BNC2: variants seen among roughly 807,000 people sequenced by gnomAD.
BNC2 encodes zinc finger protein basonuclin-2.
In BNC2, 20 loss-of-function variants were observed where a neutral mutation model predicts 76.3. The ratio of observed to expected loss-of-function variants is 0.26; its 90% CI spans 0.18 to 0.38. The LOEUF (loss-of-function observed/expected upper bound fraction) is 0.38. Ranked by LOEUF, BNC2 falls within the 10% of genes least tolerant of loss-of-function variation. BNC2 has a pLI of 1.00. For missense variants in BNC2, 1,382 were observed against 1,399.8 expected (o/e 0.99, Z 0.20); for synonymous variants, 582 against 514.8 (o/e 1.13, Z -1.77).
chr9:16,841,073 T>C (rs1391214670), intron 1 of BNC2, among the ~76,000 whole-genome samples: 2 of 152,316 alleles, frequency 1.3e-5, no homozygotes, highest in East Asian at 1.9e-4. Context: ...AATGACCTCA[T>C]GGGCAATGTT....
intron 5 of BNC2, among the ~76,000 whole-genome samples, chr9:16,538,198 G>A (rs756999819): frequency 2.8e-4 from 42 of 152,058 alleles, no homozygotes; most frequent in Admixed American, 6.6e-5. Flanking sequence ...CCTACCAATT[G>A]GACACTGCTT....
intron 4 of BNC2, among the ~76,000 whole-genome samples, chr9:16,569,326 G>T (rs1819253758): frequency 6.6e-6 from 1 of 151,878 alleles, no homozygotes; most frequent in East Asian, 1.9e-4. Context: ...AGGGAAGAGG[G>T]ACAAAAGTAG....
chr9:16,764,882 TGA>T (rs1334762698), intron 1 of BNC2, among the ~76,000 whole-genome samples: 1 of 145,588 alleles, frequency 6.9e-6, no homozygotes, highest in Non-Finnish European at 1.5e-5. Flanking sequence ...CAAAAATAAA[TGA>T]GAGGGAGGGA....
chr9:16,685,696 G>C, intron 3 of BNC2: 1 of 1,095,424 alleles, frequency 9.1e-7, no homozygotes, highest in Non-Finnish European at 1.2e-6. Flanking sequence ...AGTCACACTT[G>C]ACCCAGGCAG....
intron 5 of BNC2, among the ~76,000 whole-genome samples, chr9:16,521,647 A>G (rs933146157): frequency 5.3e-5 from 8 of 152,152 alleles, no homozygotes; most frequent in Admixed American, 3.9e-4. Context: ...GTTTTTTGAC[A>G]TGTATTTTAC....
At chr9:16,803,799 G>A (rs1817839683) in intron 1 of BNC2, among the ~76,000 whole-genome samples, 1 of 152,138 alleles carries the variant, frequency 6.6e-6, no homozygotes, top group African/African-American at 2.4e-5. Flanking sequence ...CACTCGAGTG[G>A]GCAAACTGCT....
chr9:16,661,896 C>T (rs1411580330), intron 3 of BNC2, among the ~76,000 whole-genome samples: 1 of 152,132 alleles, frequency 6.6e-6, no homozygotes, highest in African/African-American at 2.4e-5. Context: ...AATTATTTAA[C>T]TCAACTACTT....
At chr9:16,478,473 G>A (rs1821974737) in intron 5 of BNC2, among the ~76,000 whole-genome samples, 2 of 152,180 alleles carry the variant, frequency 1.3e-5, no homozygotes, top group Admixed American at 6.5e-5. Context: ...AAAGGCATAT[G>A]ACATAAATGA....
chr9:16,561,906 A>G (rs1819028121), intron 4 of BNC2, among the ~76,000 whole-genome samples: 1 of 152,110 alleles, frequency 6.6e-6, no homozygotes, highest in South Asian at 2.1e-4. Flanking sequence ...CGGGAGGCTG[A>G]GGTGGGAGGA....
chr9:16,805,114 C>G (rs1392945788), intron 1 of BNC2, among the ~76,000 whole-genome samples: 5 of 152,042 alleles, frequency 3.3e-5, no homozygotes, highest in Admixed American at 3.3e-4. Flanking sequence ...ACCACTGGAT[C>G]AATATAAAAC....
At chr9:16,536,266 T>C (rs1339765160) in intron 5 of BNC2, among the ~76,000 whole-genome samples, 1 of 152,208 alleles carries the variant, frequency 6.6e-6, no homozygotes, top group Non-Finnish European at 1.5e-5. Flanking sequence ...TAGACAATTC[T>C]ATATTTCAGA....
chr9:16,494,558 T>C (rs1430830575), intron 5 of BNC2, among the ~76,000 whole-genome samples: 1 of 152,036 alleles, frequency 6.6e-6, no homozygotes, highest in East Asian at 1.9e-4. Flanking sequence ...GCAAGAGTCA[T>C]TGAGATGAGT....
chr9:16,447,855 C>T (rs1025651453), intron 5 of BNC2, among the ~76,000 whole-genome samples: 1 of 152,104 alleles, frequency 6.6e-6, no homozygotes, highest in African/African-American at 2.4e-5. Context: ...GAAATCTTTG[C>T]AGCTCCAAAA....
chr9:16,429,703 G>A (rs1820868621), intron 6 of BNC2: 1 of 306,036 alleles, frequency 3.3e-6, no homozygotes. Flanking sequence ...GAGACTTAAT[G>A]TTAACTCTCA....
chr9:16,431,801 A>C (rs1264849570), intron 6 of BNC2, among the ~76,000 whole-genome samples: 6 of 152,200 alleles, frequency 3.9e-5, no homozygotes, highest in Non-Finnish European at 1.5e-5. Flanking sequence ...ATTTATCATT[A>C]GATTCTCATA....
intron 6 of BNC2, among the ~76,000 whole-genome samples, chr9:16,427,903 G>A (rs866172837): frequency 6.6e-5 from 10 of 152,138 alleles, no homozygotes; most frequent in Admixed American, 2.6e-4. Context: ...GTGAACACCC[G>A]TCATGAGAAT....
chr9:16,595,336 C>A (rs1254425690), intron 3 of BNC2, among the ~76,000 whole-genome samples: 2 of 152,092 alleles, frequency 1.3e-5, no homozygotes, highest in Admixed American at 6.6e-5. Context: ...AGGAATCATA[C>A]CTGTTACAAA....
chr9:16,605,784 C>CTTTTT (rs34431220), intron 3 of BNC2, among the ~76,000 whole-genome samples: 14 of 110,760 alleles, frequency 1.3e-4, no homozygotes, highest in Non-Finnish European at 2.0e-4. Context: ...TTCAAGAATT[C>CTTTTT]TTTTTTTTTT....
chr9:16,659,154 G>T (rs1003249714), intron 3 of BNC2, among the ~76,000 whole-genome samples: 1 of 152,090 alleles, frequency 6.6e-6, no homozygotes, highest in Non-Finnish European at 1.5e-5. Flanking sequence ...TGGCGGGGGG[G>T]GGCATGTGAA....
Sources: gnomAD v4.1 joint callset for allele counts (sites outside exome capture counted in the v4.1 genomes callset) on GRCh38, gnomAD v4.1.1 for gene constraint, MANE v1.5 for transcripts, NCBI Gene and HGNC (gene_info 2026-07-23, HGNC 2026-07-21) for gene names.